Variants in TBC1D1 observed in about 807,000 individuals in gnomAD.
TBC1D1 encodes the protein TBC1 (tre-2/USP6, BUB2, cdc16) domain family, member 1.
A neutral mutation model predicts 125.6 loss-of-function variants in TBC1D1; 89 were observed. The observed-to-expected ratio is 0.71, with a 90% CI of 0.60 to 0.85. The LOEUF (loss-of-function observed/expected upper bound fraction) is 0.85, where lower values mean the gene tolerates loss of function less well. Ranked by LOEUF, TBC1D1 falls within the 40% of genes least tolerant of loss-of-function variation. The pLI, the probability that TBC1D1 is intolerant of heterozygous loss-of-function variation, is 0.00. For synonymous variants in TBC1D1, 565 were observed against 564.1 expected (o/e 1.00, Z -0.02); for missense variants, 1,377 against 1,469.2 (o/e 0.94, Z 1.03).
At chr4:37,971,128 C>A (rs1425455979) in intron 2 of TBC1D1, among the ~76,000 whole-genome samples, 1 of 152,148 alleles carries the variant, frequency 6.6e-6, no homozygotes, top group Non-Finnish European at 1.5e-5. Context: ...AGTTCCCAGA[C>A]CGGCCCCCCT....
chr4:37,950,294 G>GA (rs1301521020), intron 2 of TBC1D1, among the ~76,000 whole-genome samples: 1 of 152,006 alleles, frequency 6.6e-6, no homozygotes, highest in Admixed American at 6.6e-5. Context: ...AGAACCTACT[G>GA]AAAAAAGTTG....
At chr4:38,032,854 AAAAG>A (rs1236397219) in intron 7 of TBC1D1, among the ~76,000 whole-genome samples, 77 of 152,046 alleles carry the variant, frequency 5.1e-4, no homozygotes, top group Admixed American at 3.3e-3. Context: ...AAAAAAAAAA[AAAAG>A]AAAGAAAGAA....
At chr4:38,063,212 A>G (rs1463277468) in intron 12 of TBC1D1, among the ~76,000 whole-genome samples, 1 of 152,246 alleles carries the variant, frequency 6.6e-6, no homozygotes, top group Admixed American at 6.5e-5. Flanking sequence ...GAGCAGCCTC[A>G]AAATCAGGGC....
At chr4:37,912,079 C>G (rs114670220) in intron 2 of TBC1D1, among the ~76,000 whole-genome samples, 2,677 of 152,310 alleles carry the variant, frequency 0.018, 83 homozygotes, top group African/African-American at 0.061. Context: ...GCAAGTCATT[C>G]TCTATTTCCA....
chr4:38,121,296 A>G (rs28531850), intron 17 of TBC1D1, among the ~76,000 whole-genome samples: 2,341 of 152,318 alleles, frequency 0.015, 60 homozygotes, highest in African/African-American at 0.054. Context: ...ATGCAGTGCA[A>G]GCTCACATAG....
In TBC1D1 at chr4:38,089,982, T is replaced by G. The variant is rs777444696; in HGVS notation, c.2101T>G (p.Cys701Gly). The G allele has an allele frequency of 6.2e-7, 1 of 1,613,790 alleles. No homozygotes were observed. The highest frequency in any genetic ancestry group is 8.5e-7 in the Non-Finnish European group (1 of 1,179,908). The change falls in exon 13 of 20, where the codon TGT becomes GGT. Residue 701 changes from cysteine (C) to glycine (G), a missense_variant. Cys to Gly is a radical substitution (Grantham distance 159, BLOSUM62 -3). Transcript: ENST00000261439. ...CCCACGATCTCCTTTAGAACCAGTT[T>G]GTGAAGATGGGCCCTTTGGCCCCCC...
chr4:38,112,595 C>T (rs1480238672), intron 15 of TBC1D1, among the ~76,000 whole-genome samples: 2 of 152,188 alleles, frequency 1.3e-5, no homozygotes, highest in African/African-American at 4.8e-5. Context: ...CTAGGTAGTC[C>T]ATTCTGAGCT....
chr4:38,043,603 A>G (rs1748841155), intron 8 of TBC1D1, among the ~76,000 whole-genome samples: 1 of 151,646 alleles, frequency 6.6e-6, no homozygotes, highest in Non-Finnish European at 1.5e-5. Flanking sequence ...AAAAAAAAAA[A>G]AGTACCTCCT....
chr4:37,934,146 A>G (rs950563884), intron 2 of TBC1D1, among the ~76,000 whole-genome samples: 12 of 152,232 alleles, frequency 7.9e-5, no homozygotes, highest in Admixed American at 2.0e-4. Context: ...GTTATGGTCC[A>G]AATGCTGAGG....
intron 2 of TBC1D1, among the ~76,000 whole-genome samples, chr4:37,989,314 T>G (rs1161338242): frequency 6.6e-6 from 1 of 152,232 alleles, no homozygotes; most frequent in Non-Finnish European, 1.5e-5. Context: ...TTTCAACTAA[T>G]TGCCACTCAG....
At chr4:37,919,845 G>T (rs1473053467) in intron 2 of TBC1D1, among the ~76,000 whole-genome samples, 1 of 152,276 alleles carries the variant, frequency 6.6e-6, no homozygotes, top group Non-Finnish European at 1.5e-5. Flanking sequence ...AGGCGCGGTG[G>T]CTCACGCCTG....
chr4:38,006,984 G>T (rs553402406), intron 2 of TBC1D1: 7 of 428,322 alleles, frequency 1.6e-5, no homozygotes, highest in Admixed American at 5.3e-5. Flanking sequence ...CTTGGCCAAG[G>T]GTGGTTCACT....
chr4:37,916,911 G>C (rs1400594433), intron 2 of TBC1D1, among the ~76,000 whole-genome samples: 1 of 151,958 alleles, frequency 6.6e-6, no homozygotes, highest in Non-Finnish European at 1.5e-5. Context: ...GCTGGGATTA[G>C]AGGCACATGC....
chr4:38,042,379 C>T (rs1364433229), intron 8 of TBC1D1, among the ~76,000 whole-genome samples: 1 of 151,540 alleles, frequency 6.6e-6, no homozygotes, highest in African/African-American at 2.4e-5. Flanking sequence ...CTCAGCCTCC[C>T]AAGTAGCTGG....
intron 2 of TBC1D1, among the ~76,000 whole-genome samples, chr4:37,958,396 A>G (rs1213555791): frequency 1.3e-5 from 2 of 152,116 alleles, no homozygotes; most frequent in African/African-American, 2.4e-5. Context: ...GGTGTACTCT[A>G]TTTTCCAGCA....
chr4:38,117,547 T>C (rs1763178908), intron 16 of TBC1D1, among the ~76,000 whole-genome samples: 1 of 152,254 alleles, frequency 6.6e-6, no homozygotes. Flanking sequence ...ATGCTTCTCC[T>C]GCCTATTGAG....
intron 2 of TBC1D1, among the ~76,000 whole-genome samples, chr4:37,947,085 G>A (rs978835210): frequency 2.6e-5 from 4 of 152,134 alleles, no homozygotes; most frequent in African/African-American, 7.2e-5. Flanking sequence ...GCAAAACAAC[G>A]CAGACATCTC....
chr4:38,121,123 C>G (rs1763774349), intron 17 of TBC1D1, among the ~76,000 whole-genome samples: 1 of 150,862 alleles, frequency 6.6e-6, no homozygotes, highest in Non-Finnish European at 1.5e-5. Flanking sequence ...TGTGTCCAGT[C>G]TGTCTGTGCT....
chr4:38,070,958 C>G (rs1263483239), intron 12 of TBC1D1, among the ~76,000 whole-genome samples: 1 of 152,198 alleles, frequency 6.6e-6, no homozygotes, highest in East Asian at 1.9e-4. Flanking sequence ...GAAATGGACT[C>G]AGTTTTAAAA....
Sources: gnomAD v4.1 joint callset for allele counts (sites outside exome capture counted in the v4.1 genomes callset) on GRCh38, gnomAD v4.1.1 for gene constraint, MANE v1.5 for transcripts, NCBI Gene and HGNC (gene_info 2026-07-23, HGNC 2026-07-21) for gene names.